ANK2: variants seen among roughly 807,000 people sequenced by gnomAD.
ANK2 encodes the protein ankyrin 2, also known as ankyrin-2.
In ANK2, 83 loss-of-function variants were observed where a neutral mutation model predicts 360.5. That is an observed-to-expected ratio of 0.23 (90% CI 0.19 to 0.28). The LOEUF (loss-of-function observed/expected upper bound fraction) is 0.28, where lower values mean the gene tolerates loss of function less well. Among genes scored for constraint, ANK2 ranks in the 10% least tolerant of loss-of-function variants. The probability of loss-of-function intolerance (pLI) is 1.00; values close to 1 mark genes in which losing one functional copy is unlikely to be tolerated. For missense variants in ANK2, 4,201 were observed against 4,795.7 expected, an observed-to-expected ratio of 0.88 and a Z score of 3.66; for synonymous variants, 1,740 against 1,759.5, an observed-to-expected ratio of 0.99 and a Z score of 0.28.
chr4:113,091,935 A>G (rs752139096), intron 1 of ANK2, among the ~76,000 whole-genome samples: 6 of 152,188 alleles, frequency 3.9e-5, no homozygotes, highest in African/African-American at 9.7e-5. Flanking sequence ...CAGGAGTCCA[A>G]TGTTTTTTGG....
intron 17 of ANK2, among the ~76,000 whole-genome samples, chr4:113,279,226 G>C (rs29383): frequency 0.77 from 117,749 of 152,074 alleles, 45,686 homozygotes; most frequent in African/African-American, 0.8. Context: ...ATTAAGCACA[G>C]CTATTTTGAG....
At chr4:112,847,879 C>T (rs1456217299) in intron 1 of ANK2, among the ~76,000 whole-genome samples, 1 of 152,138 alleles carries the variant, frequency 6.6e-6, no homozygotes, top group Non-Finnish European at 1.5e-5. Flanking sequence ...TTACCTGTAG[C>T]CAGAATTCTC....
At chr4:112,817,100 G>A (rs2055721379), upstream of ANK2, among the ~76,000 whole-genome samples, 1 of 152,144 alleles carries the variant, frequency 6.6e-6, no homozygotes, top group Non-Finnish European at 1.5e-5. Context: ...AGCTGTCTAA[G>A]CGGGCTATGA....
intron 1 of ANK2, among the ~76,000 whole-genome samples, chr4:113,132,202 T>C (rs755245121): frequency 4.6e-5 from 7 of 152,220 alleles, no homozygotes; most frequent in Non-Finnish European, 5.9e-5. Context: ...CTTGGAATTG[T>C]TATGATATGA....
At chr4:112,784,648 T>C in the ANK2 span, among the ~76,000 whole-genome samples, 2 of 152,200 alleles carry the variant, frequency 1.3e-5, 1 homozygote, top group South Asian at 4.1e-4. Flanking sequence ...CGGCCCGGGC[T>C]GGTCTTAAAC....
chr4:113,369,463 G>A (rs1443959504), intron 42 of ANK2, 51 bp from the exon 43 acceptor site: 2 of 1,594,550 alleles, frequency 1.3e-6, no homozygotes, highest in African/African-American at 1.3e-5. Flanking sequence ...TGCTTGAGCA[G>A]GAGGTGAAAT....
intron 2 of ANK2, among the ~76,000 whole-genome samples, chr4:113,183,117 G>T (rs1252917516): frequency 1.3e-5 from 2 of 152,004 alleles, no homozygotes; most frequent in African/African-American, 2.4e-5. Flanking sequence ...AAGTGGTGTG[G>T]GTGCCGTGCT....
rs369260005 is a variant in ANK2 at position 113,049,784 on chromosome 4, G to A, written c.56G>A (p.Ser19Asn). The change falls in exon 1 of 46, where the codon AGT (serine) becomes AAT (asparagine). Residue 19 changes from serine (S) to asparagine (N), a missense_variant. Around this residue, in one of 4 missense-constraint regions of ANK2, gnomAD observed 169 missense variants for 191.1 expected, o/e 0.88. Coordinates refer to ENST00000357077, the MANE Select transcript of ANK2 (RefSeq NM_001148.6). ...KSDSGEKFNG[S>N]SQRRKRPKKS... ...GACAGTGGAGAGAAGTTCAACGGCA[G>A]TAGTCAGAGGAGAAAAAGACCCAAG... 3.9e-5 allele frequency: 63 copies of A among 1,613,664 alleles called. No homozygotes were observed. Among genetic ancestry groups the A allele is most frequent in the Middle Eastern group, 1.6e-4 (1 of 6,078 alleles).
At chr4:112,826,721 A>G in intron 1 of ANK2, 1 of 830,902 alleles carries the variant, frequency 1.2e-6, no homozygotes, top group South Asian at 1.6e-5. Flanking sequence ...TGAACACCAT[A>G]ATACCTACCA....
chr4:112,997,688 AT>A (rs151129288), intron 2 of ANK2, among the ~76,000 whole-genome samples: 4,567 of 151,950 alleles, frequency 0.03, 207 homozygotes, highest in African/African-American at 0.1. Flanking sequence ...TTAGTTAATT[AT>A]TTTTTTCATT....
the ANK2 span, among the ~76,000 whole-genome samples, chr4:112,791,025 G>A: frequency 0.33 from 50,343 of 152,044 alleles, 8,601 homozygotes; most frequent in African/African-American, 0.39. Flanking sequence ...GAAAATATCT[G>A]CATCTCTTTA....
chr4:112,962,875 A>G (rs375146561), intron 2 of ANK2, among the ~76,000 whole-genome samples: 2 of 152,254 alleles, frequency 1.3e-5, no homozygotes, highest in East Asian at 1.9e-4. Flanking sequence ...TCAGCTGTAT[A>G]AGGGAAATTA....
the ANK2 span, among the ~76,000 whole-genome samples, chr4:112,793,064 T>A: frequency 6.6e-6 from 1 of 152,142 alleles, no homozygotes; most frequent in Non-Finnish European, 1.5e-5. Context: ...GAATGTGGTT[T>A]ACTTCAAGGA....
chr4:112,982,840 C>T (rs1016714373), intron 2 of ANK2, among the ~76,000 whole-genome samples: 1 of 152,168 alleles, frequency 6.6e-6, no homozygotes, highest in Non-Finnish European at 1.5e-5. Flanking sequence ...ATTTAGTATA[C>T]ATTTTGTGGC....
chr4:112,738,412 C>CAAAA, the ANK2 span, among the ~76,000 whole-genome samples: 1 of 51,000 alleles, frequency 2.0e-5, no homozygotes, highest in Non-Finnish European at 4.2e-5. Context: ...GAGTCTGTCT[C>CAAAA]AAAAAAAAAA....
chr4:112,924,177 G>C (rs536980799), intron 2 of ANK2, among the ~76,000 whole-genome samples: 5 of 152,138 alleles, frequency 3.3e-5, no homozygotes, highest in African/African-American at 9.6e-5. Context: ...AGACCAGCCT[G>C]GCCAACATGG....
chr4:113,084,484 G>A (rs1470126637), intron 1 of ANK2, among the ~76,000 whole-genome samples: 1 of 152,154 alleles, frequency 6.6e-6, no homozygotes, highest in Non-Finnish European at 1.5e-5. Flanking sequence ...AATACATTTA[G>A]GACTTTGCTT....
chr4:112,837,573 ATCAGCCCATGAAAGCAGCC>A (rs2061265094), intron 1 of ANK2, among the ~76,000 whole-genome samples: 1 of 152,226 alleles, frequency 6.6e-6, no homozygotes, highest in Non-Finnish European at 1.5e-5. Context: ...GGCACTCAAT[ATCAGCCCATGAAAGCAGCC>A]TCAGGGGCTG....
chr4:113,082,376 G>A (rs2082758046), intron 1 of ANK2, among the ~76,000 whole-genome samples: 1 of 145,540 alleles, frequency 6.9e-6, no homozygotes, highest in Non-Finnish European at 1.5e-5. Flanking sequence ...TGGGCACAAG[G>A]TATCTTCCTG....
Sources: allele counts gnomAD v4.1 joint callset (sites outside exome capture counted in the v4.1 genomes callset), GRCh38; gene constraint gnomAD v4.1.1; regional missense constraint gnomAD v4.1.1; transcripts MANE v1.5; gene names NCBI Gene and HGNC (gene_info 2026-07-23, HGNC 2026-07-21).